PBX2: variants seen among roughly 807,000 people sequenced by gnomAD.
The protein encoded by PBX2 is pre-B-cell leukemia transcription factor 2.
PBX2 carries 10 observed loss-of-function variants against 46.5 expected under a neutral mutation model. The ratio of observed to expected loss-of-function variants is 0.21; its 90% CI spans 0.13 to 0.36. The LOEUF (loss-of-function observed/expected upper bound fraction) is 0.36, where lower values mean the gene tolerates loss of function less well. Ranked by LOEUF, PBX2 falls within the 10% of genes least tolerant of loss-of-function variation. The pLI, the probability that PBX2 is intolerant of heterozygous loss-of-function variation, is 1.00. For missense variants in PBX2, 392 were observed against 580.5 expected (o/e 0.68, Z 3.34); for synonymous variants, 160 against 222.5 (o/e 0.72, Z 2.50).
At position 32,188,196 on chromosome 6, in the gene PBX2, T is replaced by G. The variant is rs1488426865; in HGVS notation, c.544-40A>C. On this transcript the variant is annotated intron_variant, in intron 3 of 8. Coordinates refer to ENST00000375050, the MANE Select transcript of PBX2 (RefSeq NM_002586.5). The surrounding 1 kb of genome is among the most constrained non-coding windows in gnomAD (Gnocchi z 6.5). ...AGTGGGCTGGTGAGGAGGAGCCCTT[T>G]GACCATGGGATTCCCCTGCAAGAGC... The G allele has an allele frequency of 6.2e-7, 1 of 1,601,644 alleles. No individual in the cohort carries two copies. The highest frequency in any genetic ancestry group is 8.5e-7 in the Non-Finnish European group (1 of 1,172,244).
Position 32,188,751 on chromosome 6 carries a change from G to T in PBX2, c.267C>A (p.Ser89Arg), listed in dbSNP as rs910748715. Residue 89 changes from serine (S) to arginine (R), a missense_variant, in exon 2 of 9, where the codon AGC (serine) becomes AGA (arginine). Ser to Arg is a moderately radical substitution (Grantham distance 110). This residue lies in a region of PBX2 where 196 missense variants were observed against 246.9 expected (regional missense o/e 0.79). Transcript: ENST00000375050. This position sits in a 1 kb window ranked among gnomAD's most constrained non-coding sequence, Gnocchi z 6.5. ...NCHRMKPALFSVLCEIKEKTG... is the reference protein window; with the variant it reads ...NCHRMKPALFRVLCEIKEKTG... ...TTTTCTCCTTGATTTCACACAGGACGCTAAAGAGAGCAGGCTTCATTCGGT... is the reference window on the plus strand; with the variant it reads ...TTTTCTCCTTGATTTCACACAGGACTCTAAAGAGAGCAGGCTTCATTCGGT... The T allele has an allele frequency of 2.5e-6, 4 of 1,612,900 alleles. No homozygotes were observed. Among genetic ancestry groups the T allele is most frequent in the African/African-American group, 1.3e-5 (1 of 74,892 alleles).
In PBX2 at chr6:32,189,019, C is replaced by A; in HGVS notation, c.222-223G>T. 1 of 570,982 alleles carries A rather than the reference C, an allele frequency of 1.8e-6. No homozygotes were observed. Among genetic ancestry groups the A allele is most frequent in the East Asian group, 2.8e-5 (1 of 35,834 alleles). The allele number at this position is 570,982 out of a possible 1,614,324, so 35.4% of individuals were successfully genotyped here. ...GGAGACACAGGGAAGATGCAGGCAG[C>A]AGGTTAAAGGCTGCGGGCTTTGGGA... is the stretch of plus-strand genomic sequence containing the variant. On this transcript the variant is annotated intron_variant, in intron 1 of 8. Coordinates refer to ENST00000375050, the MANE Select transcript of PBX2 (RefSeq NM_002586.5). The surrounding 1 kb of genome is among the most constrained non-coding windows in gnomAD (Gnocchi z 4.7).
At position 32,185,003 on chromosome 6, in the gene PBX2, TC is replaced by T. The variant is rs1786948097; in HGVS notation, c.*1378del. 1 of 152,350 alleles carries T rather than the reference TC, an allele frequency of 6.6e-6. No homozygotes were observed. Among genetic ancestry groups the T allele is most frequent in the Non-Finnish European group, 1.5e-5 (1 of 67,994 alleles). The allele number at this position is 152,350 out of a possible 1,614,324, so 9.4% of individuals were successfully genotyped here. On this transcript the variant is annotated 3_prime_UTR_variant, in exon 9 of 9. Coordinates refer to ENST00000375050, the MANE Select transcript of PBX2 (RefSeq NM_002586.5). The stretch of plus-strand genomic sequence containing the variant: ...GATGGGACAGTGTTGATGTTACTTT[TC>T]CCCCACATCTGGCTTTTTGCAACCT...
In PBX2 at chr6:32,189,066, G is replaced by T. The variant is rs1166768944; in HGVS notation, c.222-270C>A. 1.9e-6 allele frequency: 1 copy of T among 532,662 alleles called. No homozygotes were observed. The highest frequency in any genetic ancestry group is 3.4e-6 in the Non-Finnish European group (1 of 296,454). The allele number at this position is 532,662 out of a possible 1,614,324, so 33.0% of individuals were successfully genotyped here. A position where few individuals can be genotyped will look rare whatever the true frequency, so the allele number is the denominator to read the frequency against. Reference sequence around the variant, plus strand: ...GGGAGATGGTCTAGAAAGGTAGGAGGAGGAATCTGGGAGTGGATGGAGAAA... The same window carrying T: ...GGGAGATGGTCTAGAAAGGTAGGAGTAGGAATCTGGGAGTGGATGGAGAAA... On this transcript the variant is annotated intron_variant, in intron 1 of 8. Coordinates refer to ENST00000375050, the MANE Select transcript of PBX2 (RefSeq NM_002586.5). The surrounding 1 kb of genome is among the most constrained non-coding windows in gnomAD (Gnocchi z 4.7).
In PBX2 at chr6:32,188,227, C is replaced by G; in HGVS notation, c.543+30G>C. On this transcript the variant is annotated intron_variant, in intron 3 of 8. Transcript: ENST00000375050. The surrounding 1 kb of genome is among the most constrained non-coding windows in gnomAD (Gnocchi z 6.5). Reference sequence around the variant, plus strand: ...TGGGATTCCCCTGCAAGAGCCCTTCCCTCCACCCACCCAAGCCTCCTCTCC... The same window carrying G: ...TGGGATTCCCCTGCAAGAGCCCTTCGCTCCACCCACCCAAGCCTCCTCTCC... The G allele has an allele frequency of 1.2e-6, 2 of 1,608,992 alleles. No individual in the cohort carries two copies. Among genetic ancestry groups the G allele is most frequent in the Non-Finnish European group, 1.7e-6 (2 of 1,176,392 alleles).
Position 32,189,031 on chromosome 6 carries a change from T to TGC in PBX2, c.222-237_222-236dup, listed in dbSNP as rs1787277013. 1 of 557,328 alleles carries TGC rather than the reference T, an allele frequency of 1.8e-6. No individual in the cohort carries two copies. Among genetic ancestry groups the TGC allele is most frequent in the South Asian group, 2.4e-5 (1 of 41,578 alleles). 34.5% of individuals were successfully genotyped at this position (557,328 alleles called of 1,614,324 possible). A position where few individuals can be genotyped will look rare whatever the true frequency, so the allele number is the denominator to read the frequency against. ...AAGATGCAGGCAGCAGGTTAAAGGC[T>TGC]GCGGGCTTTGGGAGATGGTCTAGAA... On this transcript the variant is annotated intron_variant, in intron 1 of 8. Transcript: ENST00000375050. This position sits in a 1 kb window ranked among gnomAD's most constrained non-coding sequence, Gnocchi z 4.7.
At position 32,186,754 on chromosome 6, in the gene PBX2, C is replaced by G; in HGVS notation, c.1113+59G>C. ...CCTCAGAGGAAAGAGGTCTTGTATC[C>G]TAAAGTAGAGGAAATGGAGTTGGGG... On this transcript the variant is annotated intron_variant, in intron 7 of 8. Transcript: ENST00000375050. This position sits in a 1 kb window ranked among gnomAD's most constrained non-coding sequence, Gnocchi z 4.2. 1.3e-6 allele frequency: 2 copies of G among 1,598,634 alleles called. No homozygotes were observed. The highest frequency in any genetic ancestry group is 8.6e-7 in the Non-Finnish European group (1 of 1,165,912).
rs1582732162 is a variant in PBX2 at position 32,185,431 on chromosome 6, C to T, written c.*951G>A. 6.6e-6 allele frequency: 1 copy of T among 152,106 alleles called. No individual in the cohort carries two copies. Among genetic ancestry groups the T allele is most frequent in the Non-Finnish European group, 1.5e-5 (1 of 68,008 alleles). The allele number at this position is 152,106 out of a possible 1,614,324, so 9.4% of individuals were successfully genotyped here. A position where few individuals can be genotyped will look rare whatever the true frequency, so the allele number is the denominator to read the frequency against. On this transcript the variant is annotated 3_prime_UTR_variant, in exon 9 of 9. Coordinates refer to ENST00000375050, the MANE Select transcript of PBX2 (RefSeq NM_002586.5). Reference sequence around the variant, plus strand: ...TAAAATTTACTTCCTGATGGACAGGCCTGGAGCCAGGGGGGCCTCTTTACC... The same window carrying T: ...TAAAATTTACTTCCTGATGGACAGGTCTGGAGCCAGGGGGGCCTCTTTACC...
At position 32,187,949 on chromosome 6, in the gene PBX2, G is replaced by T; in HGVS notation, c.734+17C>A. The T allele has an allele frequency of 6.5e-7, 1 of 1,530,188 alleles. No individual in the cohort carries two copies. The highest frequency in any genetic ancestry group is 2.3e-5 in the East Asian group (1 of 42,608). The allele number at this position is 1,530,188 out of a possible 1,614,324, so 94.8% of individuals were successfully genotyped here. The stretch of plus-strand genomic sequence containing the variant: ...GGAGCCCAGTGCTGGGGGCCAGCCT[G>T]GGGTCCCTGGGCCCACCTGGCATCC... On this transcript the variant is annotated intron_variant, in intron 4 of 8. Transcript: ENST00000375050. This position sits in a 1 kb window ranked among gnomAD's most constrained non-coding sequence, Gnocchi z 7.7.
rs753978100 is a variant in PBX2, at chr6:32,186,367, C to A, written c.*15G>T. 1.3e-6 allele frequency: 2 copies of A among 1,570,368 alleles called. No homozygotes were observed. Among genetic ancestry groups the A allele is most frequent in the East Asian group, 4.5e-5 (2 of 44,670 alleles). ...CTTGTGAGAGCCCCCACCCCTGTGA[C>A]CCTGAGGGGCAAGATCAGTTGGAGG... On this transcript the variant is annotated 3_prime_UTR_variant, in exon 9 of 9. Coordinates refer to ENST00000375050, the MANE Select transcript of PBX2 (RefSeq NM_002586.5). This position sits in a 1 kb window ranked among gnomAD's most constrained non-coding sequence, Gnocchi z 4.2.
In PBX2 at chr6:32,186,522, C is replaced by T. The variant is rs1440315484; in HGVS notation, c.1201-48G>A. 3 of 1,584,734 alleles carry T rather than the reference C, an allele frequency of 1.9e-6. No homozygotes were observed. In the Admixed American group the frequency reaches 5.0e-5, roughly 26 times the overall value. On this transcript the variant is annotated intron_variant, in intron 8 of 8. Transcript: ENST00000375050. This position sits in a 1 kb window ranked among gnomAD's most constrained non-coding sequence, Gnocchi z 4.2. ...GAAAACAGAGAAAGCCCTGGGAACC[C>T]TGTGTGGGCACAACATTACTAGGGA...
Position 32,188,202 on chromosome 6 carries a change from T to C in PBX2, c.544-46A>G. 1 of 1,603,264 alleles carries C rather than the reference T, an allele frequency of 6.2e-7. No homozygotes were observed. Among genetic ancestry groups the C allele is most frequent in the South Asian group, 1.1e-5 (1 of 89,826 alleles). ...CTGGTGAGGAGGAGCCCTTTGACCA[T>C]GGGATTCCCCTGCAAGAGCCCTTCC... On this transcript the variant is annotated intron_variant, in intron 3 of 8. Transcript: ENST00000375050. The surrounding 1 kb of genome is among the most constrained non-coding windows in gnomAD (Gnocchi z 6.5).
rs749889610 is a variant in PBX2, at chr6:32,188,549, C to T, written c.296-45G>A. On this transcript the variant is annotated intron_variant, in intron 2 of 8. Transcript: ENST00000375050. This position sits in a 1 kb window ranked among gnomAD's most constrained non-coding sequence, Gnocchi z 6.5. ...ACTTAGGGACCCAGAGACCCCAATA[C>T]CCAGTGCTCAGTCCTCCTGGTGCTT... 7 of 1,600,624 alleles carry T rather than the reference C, an allele frequency of 4.4e-6. No homozygotes were observed. The South Asian group carries it at 5.6e-5, about 13-fold the overall frequency.
In PBX2 at chr6:32,187,083, A is replaced by G; in HGVS notation, c.1024+159T>C. The G allele has an allele frequency of 2.8e-6, 3 of 1,056,776 alleles. No individual in the cohort carries two copies. Among genetic ancestry groups the G allele is most frequent in the Non-Finnish European group, 4.1e-6 (3 of 723,644 alleles). The allele number at this position is 1,056,776 out of a possible 1,614,324, so 65.5% of individuals were successfully genotyped here. On this transcript the variant is annotated intron_variant, in intron 6 of 8. Coordinates refer to ENST00000375050, the MANE Select transcript of PBX2 (RefSeq NM_002586.5). The surrounding 1 kb of genome is among the most constrained non-coding windows in gnomAD (Gnocchi z 7.7). ...TGGGAAGAAAGGCAGAACTAAGATC[A>G]CTGGAATGGCCTCTGTCCCCTGACA... is the stretch of plus-strand genomic sequence containing the variant.
rs1006757769 is a variant in PBX2, at chr6:32,188,974, G to A, written c.222-178C>T. On this transcript the variant is annotated intron_variant, in intron 1 of 8. Coordinates refer to ENST00000375050, the MANE Select transcript of PBX2 (RefSeq NM_002586.5). The surrounding 1 kb of genome is among the most constrained non-coding windows in gnomAD (Gnocchi z 6.5). ...GGAAAAGATCAGCTCCCAGAGCATG[G>A]GGAAGCTCCTCAGCTTCAGGGAGAC... 1 of 611,264 alleles carries A rather than the reference G, an allele frequency of 1.6e-6. No homozygotes were observed. The highest frequency in any genetic ancestry group is 3.0e-6 in the Non-Finnish European group (1 of 338,598). 37.9% of individuals were successfully genotyped at this position (611,264 alleles called of 1,614,324 possible).
In PBX2 at chr6:32,188,039, C is replaced by T. The variant is rs747623622; in HGVS notation, c.661G>A (p.Ala221Thr). 2.5e-6 allele frequency: 4 copies of T among 1,592,266 alleles called. No individual in the cohort carries two copies. Among genetic ancestry groups the T allele is most frequent in the East Asian group, 2.3e-5 (1 of 44,250 alleles). ...CTCTGCTTCAGCTGCATCTGGATGG[C>T]GCTGAACTTTCGATGGATGATGCTC... The part of the protein sequence containing the change: ...MVSIIHRKFS[A>T]IQMQLKQSTC... Residue 221 changes from alanine to threonine, a missense_variant, in exon 4 of 9, where the codon GCC (alanine) becomes ACC (threonine). Physicochemically the swap from Ala to Thr is moderately conservative, Grantham distance 58. Around this residue, in one of 3 missense-constraint regions of PBX2, gnomAD observed 80 missense variants for 175.7 expected, o/e 0.46. Transcript: ENST00000375050. The surrounding 1 kb of genome is among the most constrained non-coding windows in gnomAD (Gnocchi z 6.5).
In PBX2 at chr6:32,188,516, G is replaced by A. The variant is rs1281923682; in HGVS notation, c.296-12C>T. The A allele has an allele frequency of 1.9e-6, 3 of 1,612,130 alleles. No homozygotes were observed. Among genetic ancestry groups the A allele is most frequent in the East Asian group, 2.2e-5 (1 of 44,816 alleles). Reference sequence around the variant, plus strand: ...CCGAATGCTGAGGCCTAGCATGCAGGCGAGTGGACTTAGGGACCCAGAGAC... The same window carrying A: ...CCGAATGCTGAGGCCTAGCATGCAGACGAGTGGACTTAGGGACCCAGAGAC... On this transcript the variant is annotated splice_polypyrimidine_tract_variant and intron_variant, in intron 2 of 8. Coordinates refer to ENST00000375050, the MANE Select transcript of PBX2 (RefSeq NM_002586.5). The surrounding 1 kb of genome is among the most constrained non-coding windows in gnomAD (Gnocchi z 6.5).
Position 32,188,209 on chromosome 6 carries a change from C to CCCCTGCAAGAGCCCTT in PBX2, c.543+32_543+47dup. On this transcript the variant is annotated intron_variant, in intron 3 of 8. Coordinates refer to ENST00000375050, the MANE Select transcript of PBX2 (RefSeq NM_002586.5). This position sits in a 1 kb window ranked among gnomAD's most constrained non-coding sequence, Gnocchi z 6.5. ...GGAGGAGCCCTTTGACCATGGGATT[C>CCCCTGCAAGAGCCCTT]CCCTGCAAGAGCCCTTCCCTCCACC... The CCCCTGCAAGAGCCCTT allele has an allele frequency of 6.2e-7, 1 of 1,604,480 alleles. No homozygotes were observed. Among genetic ancestry groups the CCCCTGCAAGAGCCCTT allele is most frequent in the Non-Finnish European group, 8.5e-7 (1 of 1,173,816 alleles).
chr6:32,187,070 C>G lies in PBX2; in HGVS notation c.1025-169G>C, dbSNP rs1243919584. The G allele has an allele frequency of 1.9e-6, 2 of 1,034,578 alleles. No homozygotes were observed. The highest frequency in any genetic ancestry group is 2.8e-6 in the Non-Finnish European group (2 of 705,082). 64.1% of individuals were successfully genotyped at this position (1,034,578 alleles called of 1,614,324 possible). ...CCTTGGCCACCCGTGGGAAGAAAGG[C>G]AGAACTAAGATCACTGGAATGGCCT... On this transcript the variant is annotated intron_variant, in intron 6 of 8. Transcript: ENST00000375050. The surrounding 1 kb of genome is among the most constrained non-coding windows in gnomAD (Gnocchi z 7.7).
Sources: allele counts gnomAD v4.1 joint callset, GRCh38; gene constraint gnomAD v4.1.1; regional missense constraint gnomAD v4.1.1; non-coding constraint Gnocchi (gnomAD v3.1); transcripts MANE v1.5; gene names NCBI Gene and HGNC (gene_info 2026-07-23, HGNC 2026-07-21).